PREX2: variants seen among roughly 807,000 people sequenced by gnomAD.
The protein encoded by PREX2 is phosphatidylinositol-3,4,5-trisphosphate dependent Rac exchange factor 2.
PREX2 carries 107 observed loss-of-function variants against 203.2 expected under a neutral mutation model. The observed-to-expected ratio is 0.53, with a 90% confidence interval of 0.45 to 0.62. The LOEUF (loss-of-function observed/expected upper bound fraction) is 0.62. Among genes scored for constraint, PREX2 ranks in the 20% least tolerant of loss-of-function variants. PREX2 has a pLI of 0.00. For missense variants in PREX2, 1,777 were observed against 1,955.9 expected (o/e 0.91, Z 1.72); for synonymous variants, 672 against 663.6 (o/e 1.01, Z -0.19).
intron 35 of PREX2, among the ~76,000 whole-genome samples, chr8:68,176,486 TC>T (rs2129614348): frequency 6.6e-6 from 1 of 152,224 alleles, no homozygotes; most frequent in South Asian, 2.1e-4. Flanking sequence ...TGGATTCCAA[TC>T]CCCACCCTTC....
chr8:68,224,978 T>G (rs1269043004), intron 39 of PREX2, among the ~76,000 whole-genome samples: 1 of 152,144 alleles, frequency 6.6e-6, no homozygotes, highest in Non-Finnish European at 1.5e-5. Flanking sequence ...CTTTCCCATA[T>G]GTGTTTGTAT....
At chr8:68,077,781 C>T (rs1180183912) in intron 15 of PREX2, among the ~76,000 whole-genome samples, 1 of 152,084 alleles carries the variant, frequency 6.6e-6, no homozygotes, top group African/African-American at 2.4e-5. Flanking sequence ...AGCTCATAAA[C>T]CTCTTTGAGA....
In PREX2 at chr8:68,192,456, C is replaced by T; in HGVS notation, c.4535C>T (p.Ser1512Leu). ...AGTGCTTCTGGGGTTGGACTGCTGTCAGTTTCCTCGGAGCTGTGCAACAGG... is the reference window on the plus strand; with the variant it reads ...AGTGCTTCTGGGGTTGGACTGCTGTTAGTTTCCTCGGAGCTGTGCAACAGG... ...ACSASGVGLL[S>L]VSSELCNRLG... The change falls in exon 37 of 40, where the codon TCA (serine) becomes TTA (leucine). Residue 1512 changes from serine (S) to leucine (L), a missense_variant. By Grantham distance (145) the Ser-to-Leu change is moderately radical. Coordinates refer to ENST00000288368, the MANE Select transcript of PREX2 (RefSeq NM_024870.4). 1 of 1,613,896 alleles carries T rather than the reference C, an allele frequency of 6.2e-7. No individual in the cohort carries two copies. The highest frequency in any genetic ancestry group is 8.5e-7 in the Non-Finnish European group (1 of 1,179,984).
chr8:67,995,087 C>A (rs1322775181), intron 1 of PREX2, among the ~76,000 whole-genome samples: 1 of 151,874 alleles, frequency 6.6e-6, no homozygotes, highest in Non-Finnish European at 1.5e-5. Context: ...TTTTTTAAGA[C>A]TACATGGTGT....
chr8:68,217,491 C>A, intron 37 of PREX2, 125 bp from the exon 38 acceptor site: 1 of 631,286 alleles, frequency 1.6e-6, no homozygotes, highest in Non-Finnish European at 2.8e-6. Context: ...GAAAAATCAG[C>A]GGTTCATTGT....
At chr8:68,024,173 ATAT>A (rs1165587217) in intron 4 of PREX2, among the ~76,000 whole-genome samples, 1 of 152,068 alleles carries the variant, frequency 6.6e-6, no homozygotes, top group Non-Finnish European at 1.5e-5. Context: ...GATGTGAATA[ATAT>A]TCATATATAT....
chr8:68,171,555 C>T (rs959963782), intron 35 of PREX2, among the ~76,000 whole-genome samples: 1 of 152,034 alleles, frequency 6.6e-6, no homozygotes, highest in Non-Finnish European at 1.5e-5. Context: ...ACTGCCATTT[C>T]ATGTCTTTAA....
chr8:68,133,309 T>A (rs565077180), intron 31 of PREX2, among the ~76,000 whole-genome samples: 1 of 152,124 alleles, frequency 6.6e-6, no homozygotes, highest in East Asian at 1.9e-4. Context: ...GGGATTACAA[T>A]TCAAGATGAG....
At chr8:68,165,263 G>A (rs1811738964) in intron 35 of PREX2, among the ~76,000 whole-genome samples, 1 of 151,988 alleles carries the variant, frequency 6.6e-6, no homozygotes, top group Non-Finnish European at 1.5e-5. Context: ...TATAATCTCA[G>A]TACTTTTATT....
chr8:67,978,530 C>T (rs1284658757), intron 1 of PREX2, among the ~76,000 whole-genome samples: 2 of 152,078 alleles, frequency 1.3e-5, no homozygotes, highest in Admixed American at 1.3e-4. Flanking sequence ...GTATTATTGA[C>T]TGGAGCTGTG....
At position 68,069,128 on chromosome 8, in the gene PREX2, A is replaced by G; in HGVS notation, c.1435A>G (p.Ile479Val). The G allele has an allele frequency of 6.5e-7, 1 of 1,542,282 alleles. No homozygotes were observed. ...FYPRNEMQDVISKGVRLYCRL... is the reference protein window; with the variant it reads ...FYPRNEMQDVVSKGVRLYCRL... ...TCCAAGAAATGAGATGCAGGACGTG[A>G]TTTCAAAGGTAACGACCTCTCCCAC... The change falls in exon 12 of 40, where the codon ATT becomes GTT. Residue 479 changes from isoleucine (I) to valine (V), a missense_variant. Physicochemically the swap from Ile to Val is conservative, Grantham distance 29. Transcript: ENST00000288368.
At chr8:68,046,629 C>T (rs560361681) in intron 8 of PREX2, among the ~76,000 whole-genome samples, 1 of 152,176 alleles carries the variant, frequency 6.6e-6, no homozygotes, top group Non-Finnish European at 1.5e-5. Context: ...AATTAGTTGT[C>T]CTATGGAACC....
intron 37 of PREX2, among the ~76,000 whole-genome samples, chr8:68,200,546 T>G (rs1052093736): frequency 6.6e-6 from 1 of 152,090 alleles, no homozygotes; most frequent in Non-Finnish European, 1.5e-5. Flanking sequence ...TTTTCCATTA[T>G]CTGTAATAAA....
intron 34 of PREX2, among the ~76,000 whole-genome samples, chr8:68,150,126 A>G (rs1353381817): frequency 6.6e-6 from 1 of 152,134 alleles, no homozygotes; most frequent in African/African-American, 2.4e-5. Context: ...TGAGCCCATC[A>G]TTTCTGAGAG....
chr8:68,099,955 T>C, intron 23 of PREX2, 112 bp downstream of exon 23: 1 of 970,544 alleles, frequency 1.0e-6, no homozygotes, highest in Non-Finnish European at 1.7e-6. Context: ...ACCATTTTAC[T>C]GAGATGATAA....
At chr8:68,100,619 AAAG>A (rs1397132716) in intron 23 of PREX2, among the ~76,000 whole-genome samples, 7 of 152,196 alleles carry the variant, frequency 4.6e-5, no homozygotes, top group African/African-American at 1.7e-4. Context: ...CCCAAAGCAG[AAAG>A]AAGGCCAGGG....
At chr8:68,114,081 C>G (rs528363014) in intron 25 of PREX2, among the ~76,000 whole-genome samples, 1 of 152,056 alleles carries the variant, frequency 6.6e-6, no homozygotes, top group Non-Finnish European at 1.5e-5. Flanking sequence ...AGGCTGGTCT[C>G]GAACTCCTGA....
chr8:67,957,680 A>G (rs946703708), intron 1 of PREX2, among the ~76,000 whole-genome samples: 3 of 152,226 alleles, frequency 2.0e-5, no homozygotes, highest in Non-Finnish European at 4.4e-5. Flanking sequence ...GCAAAAGCAA[A>G]CAAAGCAGAA....
intron 1 of PREX2, among the ~76,000 whole-genome samples, chr8:67,970,992 G>T (rs1488151020): frequency 6.6e-6 from 1 of 152,194 alleles, no homozygotes; most frequent in Admixed American, 6.5e-5. Context: ...CTGTTGAAAA[G>T]GTTGTCCCAT....
Sources: allele counts gnomAD v4.1 joint callset (sites outside exome capture counted in the v4.1 genomes callset), GRCh38; gene constraint gnomAD v4.1.1; transcripts MANE v1.5; gene names NCBI Gene and HGNC (gene_info 2026-07-23, HGNC 2026-07-21).